Variants in TNFRSF1B observed in about 807,000 individuals in gnomAD.
TNFRSF1B encodes the protein tumor necrosis factor receptor superfamily member 1B.
TNFRSF1B carries 19 observed loss-of-function variants against 44.6 expected under a neutral mutation model. The ratio of observed to expected loss-of-function variants is 0.43; its 90% CI spans 0.30 to 0.62. The LOEUF (loss-of-function observed/expected upper bound fraction) is 0.62, where lower values mean the gene tolerates loss of function less well. Among genes scored for constraint, TNFRSF1B ranks in the 20% least tolerant of loss-of-function variants. The pLI, the probability that TNFRSF1B is intolerant of heterozygous loss-of-function variation, is 0.16. For synonymous variants in TNFRSF1B, 252 were observed against 261.1 expected, an observed-to-expected ratio of 0.97 and a Z score of 0.34; for missense variants, 541 against 619.9, an observed-to-expected ratio of 0.87 and a Z score of 1.35.
chr1:12,198,896 T>C (rs1191531159), intron 8 of TNFRSF1B, among the ~76,000 whole-genome samples: 1 of 152,044 alleles, frequency 6.6e-6, no homozygotes, highest in Non-Finnish European at 1.5e-5. Context: ...TTCACCTTGT[T>C]AGCCAGGATG....
intron 1 of TNFRSF1B, 75 bp downstream of exon 1, chr1:12,167,244 C>T: frequency 1.4e-5 from 16 of 1,106,810 alleles, no homozygotes; most frequent in Non-Finnish European, 1.6e-5. Context: ...CTTCGGGTGC[C>T]CGGGCCGCGC....
intron 4 of TNFRSF1B, 141 bp downstream of exon 4, chr1:12,192,064 G>C: frequency 1.7e-6 from 2 of 1,185,624 alleles, no homozygotes; most frequent in African/African-American, 1.5e-5. Context: ...CTACCCATCC[G>C]TCTGTCCACC....
chr1:12,185,431 G>A (rs540874758), intron 1 of TNFRSF1B, among the ~76,000 whole-genome samples: 32 of 149,368 alleles, frequency 2.1e-4, no homozygotes, highest in African/African-American at 7.7e-4. Context: ...GACACAGGCA[G>A]TGAGCTCCCC....
intron 1 of TNFRSF1B, among the ~76,000 whole-genome samples, chr1:12,174,256 C>CCTTCTCCTTCTCCTTCTCCTTCTT (rs1557623863): frequency 7.3e-6 from 1 of 137,324 alleles, no homozygotes; most frequent in Non-Finnish European, 1.6e-5. Flanking sequence ...TTCTCCTTCT[C>CCTTCTCCTTCTCCTTCTCCTTCTT]CTTCTTCTTC....
chr1:12,167,369 T>C (rs895806905), intron 1 of TNFRSF1B, 200 bp downstream of exon 1: 5 of 406,392 alleles, frequency 1.2e-5, no homozygotes, highest in African/African-American at 1.0e-4. Flanking sequence ...CCGGCACACG[T>C]GCGCTCGGGG....
chr1:12,179,478 G>T (rs1172843627), intron 1 of TNFRSF1B, among the ~76,000 whole-genome samples: 1 of 152,236 alleles, frequency 6.6e-6, no homozygotes, highest in Non-Finnish European at 1.5e-5. Context: ...TTTCCGCATT[G>T]CTTGAAGAGG....
At chr1:12,198,467 T>A (rs1463926980) in intron 8 of TNFRSF1B, among the ~76,000 whole-genome samples, 4 of 152,138 alleles carry the variant, frequency 2.6e-5, no homozygotes, top group Non-Finnish European at 5.9e-5. Context: ...CTCACAGATA[T>A]GCACACATGC....
At chr1:12,167,192 G>A in intron 1 of TNFRSF1B, 23 bp downstream of exon 1, 2 of 1,252,372 alleles carry the variant, frequency 1.6e-6, no homozygotes, top group Non-Finnish European at 2.0e-6. Context: ...CGCGGCCCAC[G>A]GGGGACAGCC....
chr1:12,190,895 A>G, intron 2 of TNFRSF1B, 62 bp from the exon 3 acceptor site: 1 of 1,575,082 alleles, frequency 6.3e-7, no homozygotes, highest in East Asian at 2.3e-5. Flanking sequence ...GGGACAGTGG[A>G]TGAGCCCAGG....
rs570309379 is a variant in TNFRSF1B, at chr1:12,196,714, A to C, written c.900+2096A>C. ...CCCTACAGTATTTCAGTGGGGAGGAAATTTTCTCATTCCCCGGCGAGCGAG... is the reference window on the plus strand; with the variant it reads ...CCCTACAGTATTTCAGTGGGGAGGACATTTTCTCATTCCCCGGCGAGCGAG... On this transcript the variant is annotated intron_variant, in intron 8 of 9. Coordinates refer to ENST00000376259, the MANE Select transcript of TNFRSF1B (RefSeq NM_001066.3). Among the ~76,000 whole-genome samples the C allele has an allele frequency of 6.6e-5, 10 of 152,284 alleles. No individual in the cohort carries two copies. The East Asian group carries it at 1.9e-3, about 29-fold the overall frequency.
chr1:12,206,195 C>T (rs561696527), intron 9 of TNFRSF1B, among the ~76,000 whole-genome samples: 1 of 152,052 alleles, frequency 6.6e-6, no homozygotes, highest in South Asian at 2.1e-4. Flanking sequence ...CGAGACCAAC[C>T]CAGGCAACCT....
At chr1:12,197,969 A>C (rs1299081365) in intron 8 of TNFRSF1B, among the ~76,000 whole-genome samples, 9 of 152,004 alleles carry the variant, frequency 5.9e-5, no homozygotes, top group South Asian at 2.1e-4. Context: ...ACTAAAAATA[A>C]AAAAAATTAG....
rs1639526591 is a variant in TNFRSF1B, at chr1:12,207,263, A to G, written c.*243A>G. ...GTCCCTCTCGGAAGGCTGGCTGGGCATGGACGTTCGGGGCATGCTGGGGCA... is the reference window on the plus strand; with the variant it reads ...GTCCCTCTCGGAAGGCTGGCTGGGCGTGGACGTTCGGGGCATGCTGGGGCA... On this transcript the variant is annotated 3_prime_UTR_variant, in exon 10 of 10. Coordinates refer to ENST00000376259, the MANE Select transcript of TNFRSF1B (RefSeq NM_001066.3). The G allele has an allele frequency of 4.7e-6, 2 of 424,322 alleles. No homozygotes were observed. The highest frequency in any genetic ancestry group is 8.2e-6 in the Non-Finnish European group (2 of 242,944). The allele number at this position is 424,322 out of a possible 1,614,324, so 26.3% of individuals were successfully genotyped here. A position where few individuals can be genotyped will look rare whatever the true frequency, so the allele number is the denominator to read the frequency against.
chr1:12,191,416 A>G (rs5746018), intron 3 of TNFRSF1B, among the ~76,000 whole-genome samples: 47 of 149,018 alleles, frequency 3.2e-4, no homozygotes, highest in Non-Finnish European at 5.8e-4. Context: ...ACTGCGGGGA[A>G]GAGCGGGACT....
intron 1 of TNFRSF1B, among the ~76,000 whole-genome samples, chr1:12,170,986 T>A (rs1638509530): frequency 6.6e-6 from 1 of 151,242 alleles, no homozygotes; most frequent in South Asian, 2.1e-4. Flanking sequence ...CGTTCTCACT[T>A]CTTCTTCTTT....
chr1:12,202,269 G>C (rs778436111), intron 9 of TNFRSF1B, 98 bp downstream of exon 9: 28 of 1,479,238 alleles, frequency 1.9e-5, no homozygotes, highest in Non-Finnish European at 2.5e-5. Context: ...TCCCCGCAGG[G>C]TGGGACGAGG....
Position 12,186,553 on chromosome 1 carries a change from G to T in TNFRSF1B, c.79-2243G>T, listed in dbSNP as rs927870209. ...ATGTTAGGTACTGGAGTCCAGAGAG[G>T]TTAAGGCACTTGCCTAAGGCCACAC... is the stretch of plus-strand genomic sequence containing the variant. On this transcript the variant is annotated intron_variant, in intron 1 of 9. Coordinates refer to ENST00000376259, the MANE Select transcript of TNFRSF1B (RefSeq NM_001066.3). The surrounding 1 kb of genome is among the most constrained non-coding windows in gnomAD (Gnocchi z 4.8). Among the ~76,000 whole-genome samples the T allele has an allele frequency of 1.3e-5, 2 of 152,204 alleles. No individual in the cohort carries two copies. Among genetic ancestry groups the T allele is most frequent in the Admixed American group, 6.5e-5 (1 of 15,288 alleles).
chr1:12,194,717 C>T (rs1263159824), intron 8 of TNFRSF1B, 99 bp downstream of exon 8: 1 of 1,477,736 alleles, frequency 6.8e-7, no homozygotes, highest in Non-Finnish European at 9.4e-7. Context: ...ATTGGTCTGT[C>T]CAGTGTCAGG....
chr1:12,192,806 G>T, intron 5 of TNFRSF1B, 57 bp from the exon 6 acceptor site: 1 of 1,468,750 alleles, frequency 6.8e-7, no homozygotes. Flanking sequence ...AATGAGCCCA[G>T]CCACCCCAGC....
Sources: allele counts gnomAD v4.1 joint callset (sites outside exome capture counted in the v4.1 genomes callset), GRCh38; gene constraint gnomAD v4.1.1; non-coding constraint Gnocchi (gnomAD v3.1); transcripts MANE v1.5; gene names NCBI Gene and HGNC (gene_info 2026-07-23, HGNC 2026-07-21).